Variants in ANKRD6 observed in about 807,000 individuals in gnomAD.
ANKRD6 encodes ankyrin repeat domain-containing protein 6.
Under a neutral mutation model 82.3 loss-of-function variants are expected in ANKRD6, and 56 were observed. The ratio of observed to expected loss-of-function variants is 0.68; its 90% CI spans 0.55 to 0.85. The LOEUF (loss-of-function observed/expected upper bound fraction) is 0.85. ANKRD6 is among the 40% of genes least tolerant of loss of function. The pLI, the probability that ANKRD6 is intolerant of heterozygous loss-of-function variation, is 0.00. For synonymous variants in ANKRD6, 347 were observed against 352.1 expected (o/e 0.99, Z 0.16); for missense variants, 852 against 907.6 (o/e 0.94, Z 0.79).
chr6:89,450,449 T>A (rs1465212414), intron 1 of ANKRD6, among the ~76,000 whole-genome samples: 1 of 152,200 alleles, frequency 6.6e-6, no homozygotes, highest in Non-Finnish European at 1.5e-5. Flanking sequence ...GGCCCTCCAC[T>A]AGCAAAAACA....
chr6:89,511,960 G>C (rs1780599281), intron 1 of ANKRD6, among the ~76,000 whole-genome samples: 1 of 150,506 alleles, frequency 6.6e-6, no homozygotes, highest in Non-Finnish European at 1.5e-5. Flanking sequence ...TTTTTTTTTT[G>C]TAGAGACAAG....
intron 15 of ANKRD6, among the ~76,000 whole-genome samples, chr6:89,629,950 G>C (rs1037877792): frequency 6.6e-6 from 1 of 152,206 alleles, no homozygotes; most frequent in Non-Finnish European, 1.5e-5. Flanking sequence ...CTCTGGGTGT[G>C]GAAAATGGGG....
chr6:89,617,155 C>T lies in ANKRD6; in HGVS notation c.714+498C>T, dbSNP rs189705464. ...ACCAGCTCAGGTGCGCTTTCTTCTTCGAGGCTGTCCTGCGGTCTCTGCCCC... is the reference window on the plus strand; with the variant it reads ...ACCAGCTCAGGTGCGCTTTCTTCTTTGAGGCTGTCCTGCGGTCTCTGCCCC... On this transcript the variant is annotated intron_variant, in intron 8 of 15. Coordinates refer to ENST00000339746, the MANE Select transcript of ANKRD6 (RefSeq NM_001242809.2). Among the ~76,000 whole-genome samples the T allele has an allele frequency of 2.2e-3, 335 of 152,318 alleles. 1 individual carries two copies. The highest frequency in any genetic ancestry group is 7.9e-3 in the African/African-American group (328 of 41,580).
chr6:89,472,026 G>A (rs1456751185), intron 1 of ANKRD6, among the ~76,000 whole-genome samples: 1 of 150,910 alleles, frequency 6.6e-6, no homozygotes, highest in East Asian at 2.0e-4. Context: ...TTCTGAGGGA[G>A]AATCCACCCC....
intron 2 of ANKRD6, among the ~76,000 whole-genome samples, chr6:89,567,324 T>C (rs1352941116): frequency 6.6e-6 from 1 of 152,214 alleles, no homozygotes; most frequent in East Asian, 1.9e-4. Context: ...CGGTGGCTTT[T>C]CTCACCTATT....
intron 3 of ANKRD6, among the ~76,000 whole-genome samples, chr6:89,597,408 T>A (rs1477733464): frequency 6.6e-6 from 1 of 152,162 alleles, no homozygotes; most frequent in Non-Finnish European, 1.5e-5. Flanking sequence ...GGTGCAAACA[T>A]GTTGGGATGC....
At chr6:89,529,358 G>T (rs1281944693) in intron 1 of ANKRD6, among the ~76,000 whole-genome samples, 1 of 152,186 alleles carries the variant, frequency 6.6e-6, no homozygotes, top group South Asian at 2.1e-4. Context: ...ACCAACCTCT[G>T]CTAGCTTTAG....
At chr6:89,587,924 T>C (rs1204510439) in intron 2 of ANKRD6, among the ~76,000 whole-genome samples, 2 of 152,264 alleles carry the variant, frequency 1.3e-5, no homozygotes, top group Non-Finnish European at 2.9e-5. Flanking sequence ...TTTTCTTTGA[T>C]CGATGGTACT....
At chr6:89,550,192 A>G (rs1041290911) in intron 1 of ANKRD6, among the ~76,000 whole-genome samples, 2 of 152,198 alleles carry the variant, frequency 1.3e-5, no homozygotes, top group Non-Finnish European at 2.9e-5. Context: ...GTATATATAT[A>G]TGTGTCTGTA....
chr6:89,526,577 C>T (rs535565450), intron 1 of ANKRD6, among the ~76,000 whole-genome samples: 2 of 152,274 alleles, frequency 1.3e-5, no homozygotes, highest in East Asian at 3.9e-4. Context: ...TTACCATTTC[C>T]TGATGGGTAT....
intron 6 of ANKRD6, among the ~76,000 whole-genome samples, chr6:89,613,487 T>C (rs1185546885): frequency 6.6e-6 from 1 of 152,160 alleles, no homozygotes; most frequent in African/African-American, 2.4e-5. Flanking sequence ...CAAGCACAGG[T>C]AAGCAGAGCC....
At chr6:89,483,906 GTCTCTC>G (rs147189689) in intron 1 of ANKRD6, among the ~76,000 whole-genome samples, 1 of 150,346 alleles carries the variant, frequency 6.7e-6, no homozygotes, top group Non-Finnish European at 1.5e-5. Flanking sequence ...CTCTCTCTCT[GTCTCTC>G]TCTCTCTCTC....
intron 13 of ANKRD6, among the ~76,000 whole-genome samples, chr6:89,624,925 T>C (rs1184133903): frequency 6.6e-6 from 1 of 152,238 alleles, no homozygotes; most frequent in Non-Finnish European, 1.5e-5. Flanking sequence ...AGAGCATTTT[T>C]AGAAATATGA....
chr6:89,494,972 C>T (rs997212211), intron 1 of ANKRD6, among the ~76,000 whole-genome samples: 22 of 152,156 alleles, frequency 1.4e-4, no homozygotes, highest in African/African-American at 5.3e-4. Flanking sequence ...CGGTGGCTCA[C>T]GCCTGTAATC....
chr6:89,496,460 T>C (rs1778635258), intron 1 of ANKRD6, among the ~76,000 whole-genome samples: 1 of 152,076 alleles, frequency 6.6e-6, no homozygotes, highest in South Asian at 2.1e-4. Context: ...GCCCAGGAAG[T>C]CTGTCTTTTC....
intron 2 of ANKRD6, among the ~76,000 whole-genome samples, chr6:89,582,086 A>C (rs1376604857): frequency 6.6e-6 from 1 of 152,236 alleles, no homozygotes; most frequent in East Asian, 1.9e-4. Context: ...TATGGTGCTA[A>C]TTCTGAGAAA....
rs544497081 is a variant in ANKRD6 at position 89,610,837 on chromosome 6, G to C, written c.418-1435G>C. 1.2e-3 allele frequency among the ~76,000 whole-genome samples: 188 copies of C among 151,546 alleles called. 3 individuals are homozygous for C. The South Asian group carries it at 0.038, about 31-fold the overall frequency. On this transcript the variant is annotated intron_variant, in intron 5 of 15. Coordinates refer to ENST00000339746, the MANE Select transcript of ANKRD6 (RefSeq NM_001242809.2). ...AAAAAACCTGAAGACCAGGCCTGGGGTGATGGACTGTCCCAGTTTGCCCTG... is the reference window on the plus strand; with the variant it reads ...AAAAAACCTGAAGACCAGGCCTGGGCTGATGGACTGTCCCAGTTTGCCCTG...
chr6:89,552,374 A>T (rs146404501), intron 1 of ANKRD6, among the ~76,000 whole-genome samples: 1 of 152,324 alleles, frequency 6.6e-6, no homozygotes, highest in African/African-American at 2.4e-5. Context: ...GGCCTCCCTG[A>T]TGGCCAGCTG....
At chr6:89,614,134 ATTT>A (rs1800908275) in intron 7 of ANKRD6, among the ~76,000 whole-genome samples, 1 of 152,028 alleles carries the variant, frequency 6.6e-6, no homozygotes, top group Non-Finnish European at 1.5e-5. Flanking sequence ...CATATTGAAC[ATTT>A]TCTGGAGATC....
Sources: gnomAD v4.1 joint callset for allele counts (sites outside exome capture counted in the v4.1 genomes callset) on GRCh38, gnomAD v4.1.1 for gene constraint, MANE v1.5 for transcripts, NCBI Gene and HGNC (gene_info 2026-07-23, HGNC 2026-07-21) for gene names.